The following RAPGEF2 variants were observed in gnomAD, a reference collection of about 807,000 sequenced individuals.
RAPGEF2 encodes the protein PDZ domain containing guanine nucleotide exchange factor (GEF) 1.
RAPGEF2 carries 54 observed loss-of-function variants against 186.7 expected under a neutral mutation model. The ratio of observed to expected loss-of-function variants is 0.29; its 90% CI spans 0.23 to 0.36. The LOEUF is 0.36. Among genes scored for constraint, RAPGEF2 ranks in the 10% least tolerant of loss-of-function variants. RAPGEF2 has a pLI of 1.00. For missense variants in RAPGEF2, 1,532 were observed against 2,045.0 expected (o/e 0.75, Z 4.84); for synonymous variants, 712 against 705.9 (o/e 1.01, Z -0.14).
chr4:159,154,118 C>CT (rs1353071154), intron 1 of RAPGEF2, among the ~76,000 whole-genome samples: 1 of 152,104 alleles, frequency 6.6e-6, no homozygotes, highest in East Asian at 1.9e-4. Context: ...TTTTCTAGCT[C>CT]TAGCATTTTA....
At position 159,358,183 on chromosome 4, in the gene RAPGEF2, A is replaced by G. The variant is rs1425895862; in HGVS notation, c.*44A>G. 6.3e-7 allele frequency: 1 copy of G among 1,592,860 alleles called. No individual in the cohort carries two copies. Among genetic ancestry groups the G allele is most frequent in the South Asian group, 1.1e-5 (1 of 88,848 alleles). On this transcript the variant is annotated 3_prime_UTR_variant, in exon 30 of 30. Transcript: ENST00000691494. The stretch of plus-strand genomic sequence containing the variant: ...AGCAGAGCGAGCCACCTGAAAGGAG[A>G]GCACAAGAAGACGTCCTGAGCATTG...
intron 24 of RAPGEF2, among the ~76,000 whole-genome samples, chr4:159,346,275 A>T (rs1484586145): frequency 1.3e-5 from 2 of 152,212 alleles, no homozygotes; most frequent in East Asian, 3.8e-4. Flanking sequence ...ACTCAGTATG[A>T]TACTGAAGCA....
chr4:159,233,575 G>C (rs1160619159), intron 4 of RAPGEF2, among the ~76,000 whole-genome samples: 1 of 152,048 alleles, frequency 6.6e-6, no homozygotes, highest in Non-Finnish European at 1.5e-5. Context: ...TAATCTGTGA[G>C]GATACAGAGG....
At chr4:159,216,048 G>A (rs1304383091) in intron 4 of RAPGEF2, among the ~76,000 whole-genome samples, 1 of 152,178 alleles carries the variant, frequency 6.6e-6, no homozygotes, top group Non-Finnish European at 1.5e-5. Context: ...GTACTGTGAA[G>A]TGCCATCAAA....
At chr4:159,139,880 G>T (rs1190173723) in intron 1 of RAPGEF2, among the ~76,000 whole-genome samples, 1 of 152,186 alleles carries the variant, frequency 6.6e-6, no homozygotes, top group Non-Finnish European at 1.5e-5. Context: ...CCTATTAGGG[G>T]TGGAGTCATG....
At chr4:159,264,375 A>G (rs1286165646) in intron 7 of RAPGEF2, among the ~76,000 whole-genome samples, 2 of 152,152 alleles carry the variant, frequency 1.3e-5, no homozygotes, top group South Asian at 2.1e-4. Flanking sequence ...CCTTCTTGAG[A>G]TAAGTCACAC....
In RAPGEF2 at chr4:159,121,441, A is replaced by G. The variant is rs1054449076; in HGVS notation, c.69+17210A>G. ...GAGTACAGTGGTGTGATCACAGCTCATTGCAGCCTCAATCTCTTGGACTCA... is the reference window on the plus strand; with the variant it reads ...GAGTACAGTGGTGTGATCACAGCTCGTTGCAGCCTCAATCTCTTGGACTCA... On this transcript the variant is annotated intron_variant, in intron 1 of 29. Coordinates refer to ENST00000691494, the MANE Select transcript of RAPGEF2 (RefSeq NM_001394067.2). 2.6e-5 allele frequency among the ~76,000 whole-genome samples: 4 copies of G among 151,402 alleles called. No homozygotes were observed. The East Asian group carries it at 7.8e-4, about 29-fold the overall frequency.
At chr4:159,298,108 T>C (rs576669175) in intron 7 of RAPGEF2, among the ~76,000 whole-genome samples, 2 of 152,184 alleles carry the variant, frequency 1.3e-5, no homozygotes, top group Admixed American at 6.5e-5. Context: ...CCTATTCTTA[T>C]AAAGCATAGT....
chr4:159,135,785 G>T (rs1741652800), intron 1 of RAPGEF2, among the ~76,000 whole-genome samples: 1 of 152,054 alleles, frequency 6.6e-6, no homozygotes, highest in South Asian at 2.1e-4. Context: ...TTTTTAGAGA[G>T]ATGGGGTTTC....
At chr4:159,134,623 C>A (rs1741485400) in intron 1 of RAPGEF2, among the ~76,000 whole-genome samples, 1 of 152,218 alleles carries the variant, frequency 6.6e-6, no homozygotes, top group Admixed American at 6.5e-5. Context: ...AGTTCTGCAT[C>A]CTCGTCAGCA....
At chr4:159,146,878 T>C (rs940265324) in intron 1 of RAPGEF2, among the ~76,000 whole-genome samples, 3 of 152,234 alleles carry the variant, frequency 2.0e-5, no homozygotes, top group African/African-American at 7.2e-5. Flanking sequence ...CTGTCTGTAA[T>C]ATCTTTGCAG....
At chr4:159,185,243 T>C (rs1012037280) in intron 1 of RAPGEF2, among the ~76,000 whole-genome samples, 2 of 152,172 alleles carry the variant, frequency 1.3e-5, no homozygotes, top group Admixed American at 6.5e-5. Flanking sequence ...TGCAGTGACT[T>C]AGGAAAGCAG....
intron 4 of RAPGEF2, among the ~76,000 whole-genome samples, chr4:159,237,952 A>G (rs2111462991): frequency 6.6e-6 from 1 of 150,864 alleles, no homozygotes; most frequent in Middle Eastern, 3.4e-3. Context: ...CAGGAGTTCA[A>G]GGCTGCAGTG....
intron 8 of RAPGEF2, among the ~76,000 whole-genome samples, chr4:159,308,846 G>A (rs190427590): frequency 4.6e-5 from 7 of 152,160 alleles, no homozygotes; most frequent in Admixed American, 3.9e-4. Context: ...GTTTTCTCTC[G>A]GAAGAGTTGA....
intron 24 of RAPGEF2, 22 bp downstream of exon 24, chr4:159,345,351 C>T: frequency 6.2e-7 from 1 of 1,609,236 alleles, no homozygotes; most frequent in Non-Finnish European, 8.5e-7. Context: ...CTTAAAGTGG[C>T]TGCAGACTTT....
Position 159,211,663 on chromosome 4 carries a change from G to A in RAPGEF2, c.281+1080G>A, listed in dbSNP as rs1232604366. Among the ~76,000 whole-genome samples the A allele has an allele frequency of 3.3e-5, 5 of 152,222 alleles. No homozygotes were observed. In the South Asian group the frequency reaches 6.2e-4, roughly 19 times the overall value. On this transcript the variant is annotated intron_variant, in intron 4 of 29. Coordinates refer to ENST00000691494, the MANE Select transcript of RAPGEF2 (RefSeq NM_001394067.2). ...GATCAGCCTGGGTGTGGTAGCTGAC[G>A]TGAGTAGAATGGGCTTTTGGTGGCC...
chr4:159,196,306 AATAGTACTCCTCTTTTTCG>A (rs1428408957), intron 3 of RAPGEF2, among the ~76,000 whole-genome samples: 2 of 152,242 alleles, frequency 1.3e-5, no homozygotes, highest in East Asian at 3.8e-4. Context: ...TTGTGATAAT[AATAGTACTCCTCTTTTTCG>A]GACCTGTTAT....
chr4:159,182,709 T>A (rs1440978166), intron 1 of RAPGEF2, among the ~76,000 whole-genome samples: 1 of 152,192 alleles, frequency 6.6e-6, no homozygotes, highest in Non-Finnish European at 1.5e-5. Context: ...GTACTTTCTT[T>A]AAAAGGTTTC....
chr4:159,312,511 G>A (rs1311431899), intron 8 of RAPGEF2, among the ~76,000 whole-genome samples: 2 of 151,862 alleles, frequency 1.3e-5, no homozygotes, highest in Non-Finnish European at 2.9e-5. Flanking sequence ...CAATGATTCA[G>A]TTAATTTTGA....
Sources: allele counts gnomAD v4.1 joint callset (sites outside exome capture counted in the v4.1 genomes callset), GRCh38; gene constraint gnomAD v4.1.1; transcripts MANE v1.5; gene names NCBI Gene and HGNC (gene_info 2026-07-23, HGNC 2026-07-21).